TFEC: variants seen among roughly 807,000 people sequenced by gnomAD.
The protein encoded by TFEC is class E basic helix-loop-helix protein 34.
In TFEC, 31 loss-of-function variants were observed where a neutral mutation model predicts 41.6. That is an observed-to-expected ratio of 0.74 (90% CI 0.56 to 1.01). The LOEUF is 1.01. TFEC is among the 50% of genes least tolerant of loss of function. The pLI is 0.00. For synonymous variants in TFEC, 143 were observed against 140.6 expected, an observed-to-expected ratio of 1.02 and a Z score of -0.12; for missense variants, 402 against 404.1, an observed-to-expected ratio of 0.99 and a Z score of 0.04.
intron 3 of TFEC, among the ~76,000 whole-genome samples, chr7:116,089,345 T>C (rs1797271589): frequency 6.6e-6 from 1 of 152,114 alleles, no homozygotes; most frequent in South Asian, 2.1e-4. Context: ...ATGAAAGATT[T>C]TTAGTGGAAG....
chr7:116,059,199 T>C (rs1458782392), intron 3 of TFEC, among the ~76,000 whole-genome samples: 1 of 151,800 alleles, frequency 6.6e-6, no homozygotes, highest in Non-Finnish European at 1.5e-5. Context: ...ATGCCACAGA[T>C]ATTAAAAGGA....
chr7:116,037,199 T>C (rs1795930540), intron 3 of TFEC, among the ~76,000 whole-genome samples: 1 of 152,070 alleles, frequency 6.6e-6, no homozygotes, highest in African/African-American at 2.4e-5. Flanking sequence ...CAATTGATTT[T>C]GTGCACGGGA....
intron 3 of TFEC, among the ~76,000 whole-genome samples, chr7:116,089,317 TA>T (rs555698396): frequency 3.0e-4 from 45 of 152,252 alleles, no homozygotes; most frequent in African/African-American, 7.5e-4. Context: ...AAAGTACACT[TA>T]ATTGGAAGAG....
intron 3 of TFEC, among the ~76,000 whole-genome samples, chr7:116,045,559 G>C (rs1367854254): frequency 6.6e-6 from 1 of 152,196 alleles, no homozygotes; most frequent in African/African-American, 2.4e-5. Flanking sequence ...CCTCTGCCTA[G>C]ATTTCAGAAG....
At chr7:116,131,043 A>T (rs1381261442) in intron 1 of TFEC, among the ~76,000 whole-genome samples, 1 of 152,220 alleles carries the variant, frequency 6.6e-6, no homozygotes, top group African/African-American at 2.4e-5. Context: ...ACTTTAATAG[A>T]ATCTACATTA....
intron 3 of TFEC, among the ~76,000 whole-genome samples, chr7:116,059,006 AAAGT>A (rs1025634762): frequency 2.0e-5 from 3 of 151,814 alleles, no homozygotes; most frequent in African/African-American, 7.2e-5. Flanking sequence ...GATTAAATCC[AAAGT>A]AAGTAAAAGA....
Position 115,956,572 on chromosome 7 carries a change from T to G in TFEC, c.382+107A>C, listed in dbSNP as rs1398695806. On this transcript the variant is annotated intron_variant, in intron 4 of 7. Coordinates refer to ENST00000265440, the MANE Select transcript of TFEC (RefSeq NM_012252.4). ...AATTTACTGTCTGCCTTCTTTTTTG[T>G]AACTGTTTTGTTATACTTTTAAAAT... 4 of 570,724 alleles carry G rather than the reference T, an allele frequency of 7.0e-6. No homozygotes were observed. In the African/African-American group the frequency reaches 7.8e-5, roughly 11 times the overall value. 35.4% of individuals were successfully genotyped at this position (570,724 alleles called of 1,614,324 possible). A position where few individuals can be genotyped will look rare whatever the true frequency, so the allele number is the denominator to read the frequency against.
chr7:115,950,347 A>G (rs1193309166), intron 6 of TFEC, among the ~76,000 whole-genome samples: 1 of 152,086 alleles, frequency 6.6e-6, no homozygotes, highest in Non-Finnish European at 1.5e-5. Context: ...ATTTCTCAAT[A>G]TTTACAAGAG....
intron 3 of TFEC, among the ~76,000 whole-genome samples, chr7:115,971,617 A>T (rs371032330): frequency 6.6e-6 from 1 of 152,030 alleles, no homozygotes; most frequent in East Asian, 1.9e-4. Flanking sequence ...TATCCTGCTC[A>T]ACTTGCCAGA....
intron 6 of TFEC, among the ~76,000 whole-genome samples, chr7:115,946,333 T>C (rs74845741): frequency 6.6e-6 from 1 of 150,944 alleles, no homozygotes; most frequent in African/African-American, 2.4e-5. Flanking sequence ...ATTGTTGAAT[T>C]GTCCAAATAA....
chr7:116,003,472 A>C (rs573076588), intron 1 of TFEC, among the ~76,000 whole-genome samples: 1 of 152,150 alleles, frequency 6.6e-6, no homozygotes, highest in Non-Finnish European at 1.5e-5. Flanking sequence ...CAAAAACAGA[A>C]GGTCAAAACA....
intron 1 of TFEC, among the ~76,000 whole-genome samples, chr7:116,028,785 A>G (rs944967855): frequency 5.3e-5 from 8 of 152,136 alleles, no homozygotes; most frequent in African/African-American, 1.9e-4. Flanking sequence ...ATCAACAGCC[A>G]TAATGATTCC....
intron 5 of TFEC, 151 bp downstream of exon 5, chr7:115,954,435 T>C (rs1020927331): frequency 1.9e-6 from 1 of 516,026 alleles, no homozygotes; most frequent in Admixed American, 4.0e-5. Context: ...GCTCACATTG[T>C]TAATATTTCC....
At chr7:116,060,749 A>G (rs1796535397) in intron 3 of TFEC, among the ~76,000 whole-genome samples, 1 of 152,118 alleles carries the variant, frequency 6.6e-6, no homozygotes, top group Non-Finnish European at 1.5e-5. Flanking sequence ...AGAAAAGATA[A>G]CTATTGGGCA....
intron 5 of TFEC, 67 bp from the exon 6 acceptor site, chr7:115,951,016 C>T (rs1187592223): frequency 9.7e-6 from 9 of 923,636 alleles, no homozygotes; most frequent in Non-Finnish European, 1.3e-5. Flanking sequence ...CAGCTGTAAA[C>T]ATTTTTAACA....
At position 116,104,430 on chromosome 7, in the gene TFEC, C is replaced by G. The variant is rs181901526; in HGVS notation, c.198+6278G>C. ...TAAGTTTCTTGATTATGGTGTTGATCAAAATGCTTATAAAATTAGCATAAG... is the reference window on the plus strand; with the variant it reads ...TAAGTTTCTTGATTATGGTGTTGATGAAAATGCTTATAAAATTAGCATAAG... On this transcript the variant is annotated intron_variant, in intron 3 of 8. Coordinates refer to the TFEC transcript ENST00000484212. Among the ~76,000 whole-genome samples the G allele has an allele frequency of 6.1e-3, 922 of 152,170 alleles. 7 individuals carry two copies. Among genetic ancestry groups the G allele is most frequent in the Non-Finnish European group, 6.9e-3 (468 of 67,994 alleles).
intron 1 of TFEC, among the ~76,000 whole-genome samples, chr7:116,153,292 G>A (rs911300014): frequency 1.3e-5 from 2 of 152,118 alleles, no homozygotes; most frequent in African/African-American, 2.4e-5. Context: ...GTCTCGTTCT[G>A]TTGCCCAGAC....
chr7:116,155,077 CACCAGTTATGTA>C (rs2116485766), intron 1 of TFEC, among the ~76,000 whole-genome samples: 1 of 152,254 alleles, frequency 6.6e-6, no homozygotes, highest in East Asian at 1.9e-4. Flanking sequence ...TCAATGCTTT[CACCAGTTATGTA>C]ACCAATTCTC....
chr7:116,133,219 C>T (rs1432888920), intron 1 of TFEC, among the ~76,000 whole-genome samples: 2 of 151,592 alleles, frequency 1.3e-5, no homozygotes, highest in South Asian at 2.1e-4. Context: ...AAACTACAAA[C>T]GTGTTATGTA....
Sources: allele counts gnomAD v4.1 joint callset (sites outside exome capture counted in the v4.1 genomes callset), GRCh38; gene constraint gnomAD v4.1.1; transcripts MANE v1.5; gene names NCBI Gene and HGNC (gene_info 2026-07-23, HGNC 2026-07-21).